The following ACOT7 variants were observed in gnomAD, a reference collection of about 807,000 sequenced individuals.
The protein encoded by ACOT7 is acyl-CoA thioesterase 7.
A neutral mutation model predicts 40.2 loss-of-function variants in ACOT7; 12 were observed. The ratio of observed to expected loss-of-function variants is 0.30; its 90% CI spans 0.19 to 0.48. The LOEUF is 0.48. Ranked by LOEUF, ACOT7 falls within the 20% of genes least tolerant of loss-of-function variation. The pLI is 0.99. For missense variants in ACOT7, 395 were observed against 530.8 expected, an observed-to-expected ratio of 0.74 and a Z score of 2.51; for synonymous variants, 228 against 219.5, an observed-to-expected ratio of 1.04 and a Z score of -0.34.
At chr1:6,368,804 A>C (rs1426921477) in intron 1 of ACOT7, among the ~76,000 whole-genome samples, 2 of 151,540 alleles carry the variant, frequency 1.3e-5, no homozygotes, top group East Asian at 3.9e-4. Context: ...CAGGGGACCC[A>C]CTGCTGCCAC....
rs1261405304 is a variant in ACOT7, at chr1:6,330,403, G to A, written c.511-2990C>T. Among the ~76,000 whole-genome samples the A allele has an allele frequency of 1.3e-5, 2 of 152,182 alleles. No individual in the cohort carries two copies. Among genetic ancestry groups the A allele is most frequent in the Non-Finnish European group, 2.9e-5 (2 of 68,044 alleles). ...CAAATCAGTGGGAGGTTTATACTACGTGGGCCTAGCGTGTGTTGGGGGGAA... is the reference window on the plus strand; with the variant it reads ...CAAATCAGTGGGAGGTTTATACTACATGGGCCTAGCGTGTGTTGGGGGGAA... On this transcript the variant is annotated intron_variant, in intron 4 of 8. Coordinates refer to ENST00000361521, the MANE Select transcript of ACOT7 (RefSeq NM_007274.4). The surrounding 1 kb of genome is among the most constrained non-coding windows in gnomAD (Gnocchi z 4.6).
At chr1:6,268,705 G>A (rs1389084022) in intron 8 of ACOT7, among the ~76,000 whole-genome samples, 3 of 152,218 alleles carry the variant, frequency 2.0e-5, no homozygotes, top group East Asian at 1.9e-4. Flanking sequence ...GGAGATCTCC[G>A]CCCAAGAGCG....
At chr1:6,368,678 G>C (rs1173945409) in intron 1 of ACOT7, among the ~76,000 whole-genome samples, 1 of 152,218 alleles carries the variant, frequency 6.6e-6, no homozygotes, top group African/African-American at 2.4e-5. Flanking sequence ...GAGCGGGTAA[G>C]AGCTCTGACA....
intron 1 of ACOT7, among the ~76,000 whole-genome samples, chr1:6,354,175 T>A (rs1421263950): frequency 6.6e-6 from 1 of 151,956 alleles, no homozygotes; most frequent in Non-Finnish European, 1.5e-5. Flanking sequence ...CGGTGTCCCC[T>A]CTGGAGGTGG....
intron 7 of ACOT7, among the ~76,000 whole-genome samples, chr1:6,292,393 G>C (rs755435284): frequency 1.1e-4 from 17 of 152,230 alleles, no homozygotes; most frequent in Non-Finnish European, 2.2e-4. Flanking sequence ...CAATCCAAGT[G>C]AATGTCCTGC....
rs1037201921 is a variant in ACOT7, at chr1:6,380,429, G to A, written c.143+12828C>T. ...CCTGACCGACATGGTGAAACCCCCC[G>A]TCTCTACTAAAAATACAAAAATTAG... On this transcript the variant is annotated intron_variant, in intron 1 of 8. Coordinates refer to ENST00000361521, the MANE Select transcript of ACOT7 (RefSeq NM_007274.4). 1.1e-4 allele frequency among the ~76,000 whole-genome samples: 16 copies of A among 150,984 alleles called. 1 individual carries two copies. The highest frequency in any genetic ancestry group is 2.1e-4 in the South Asian group (1 of 4,774).
chr1:6,376,727 CAA>C (rs74829338), intron 1 of ACOT7, among the ~76,000 whole-genome samples: 77 of 94,594 alleles, frequency 8.1e-4, no homozygotes, highest in African/African-American at 1.4e-3. Flanking sequence ...AACTCCATCC[CAA>C]AAAAAAAAAA....
chr1:6,378,167 A>G (rs566342844), intron 1 of ACOT7, among the ~76,000 whole-genome samples: 2 of 143,364 alleles, frequency 1.4e-5, no homozygotes, highest in South Asian at 4.5e-4. Context: ...ATTCCACCAG[A>G]GCAGCCCTGG....
rs1639562300 is a variant in ACOT7 at position 6,288,269 on chromosome 1, G to C, written c.829+6595C>G. ...AGCACCAACTCCGTTGCTGGCCTGGGAACTCCACGCGCCTTTGGTGGGTGG... is the reference window on the plus strand; with the variant it reads ...AGCACCAACTCCGTTGCTGGCCTGGCAACTCCACGCGCCTTTGGTGGGTGG... On this transcript the variant is annotated intron_variant, in intron 7 of 8. Coordinates refer to ENST00000361521, the MANE Select transcript of ACOT7 (RefSeq NM_007274.4). This position sits in a 1 kb window ranked among gnomAD's most constrained non-coding sequence, Gnocchi z 4.3. Among the ~76,000 whole-genome samples the C allele has an allele frequency of 6.6e-6, 1 of 152,216 alleles. No homozygotes were observed. The highest frequency in any genetic ancestry group is 1.5e-5 in the Non-Finnish European group (1 of 68,026).
At position 6,280,107 on chromosome 1, in the gene ACOT7, C is replaced by T. The variant is rs185971684; in HGVS notation, c.1014+995G>A. 2.6e-4 allele frequency among the ~76,000 whole-genome samples: 40 copies of T among 152,336 alleles called. No individual in the cohort carries two copies. In the South Asian group the frequency reaches 4.8e-3, roughly 18 times the overall value. The stretch of plus-strand genomic sequence containing the variant: ...GAATCAGGGGTCAGCCTCGCAGGGC[C>T]GTGGTGCCTGCCTGGCCACTTCCAT... On this transcript the variant is annotated intron_variant, in intron 8 of 8. Coordinates refer to ENST00000361521, the MANE Select transcript of ACOT7 (RefSeq NM_007274.4).
At chr1:6,335,267 C>A (rs552823660) in intron 3 of ACOT7, among the ~76,000 whole-genome samples, 1 of 135,464 alleles carries the variant, frequency 7.4e-6, no homozygotes, top group Non-Finnish European at 1.5e-5. Context: ...GCAGAGGTTG[C>A]GGTGAGCCGA....
rs1639398495 is a variant in ACOT7, at chr1:6,283,000, C to G, written c.830-1714G>C. The G allele has an allele frequency of 2.3e-6, 1 of 439,106 alleles. No individual in the cohort carries two copies. Among genetic ancestry groups the G allele is most frequent in the Non-Finnish European group, 4.7e-6 (1 of 210,618 alleles). 27.2% of individuals were successfully genotyped at this position (439,106 alleles called of 1,614,324 possible). On this transcript the variant is annotated intron_variant, in intron 7 of 8. Coordinates refer to ENST00000361521, the MANE Select transcript of ACOT7 (RefSeq NM_007274.4). This position sits in a 1 kb window ranked among gnomAD's most constrained non-coding sequence, Gnocchi z 4.5. ...AATTGTGTATAACACTTGGGAGTCA[C>G]AGGCCAAAAAGCAGGAACAAGCCCT...
intron 1 of ACOT7, among the ~76,000 whole-genome samples, chr1:6,367,496 C>A (rs191865176): frequency 4.6e-5 from 7 of 152,210 alleles, no homozygotes; most frequent in African/African-American, 1.7e-4. Context: ...GCATGGAGTA[C>A]GGCCACTGCA....
Position 6,278,764 on chromosome 1 carries a change from G to A in ACOT7, c.1014+2338C>T, listed in dbSNP as rs1358775411. 3.9e-5 allele frequency among the ~76,000 whole-genome samples: 6 copies of A among 152,176 alleles called. No homozygotes were observed. In the East Asian group the frequency reaches 7.7e-4, roughly 20 times the overall value. On this transcript the variant is annotated intron_variant, in intron 8 of 8. Transcript: ENST00000361521. This position sits in a 1 kb window ranked among gnomAD's most constrained non-coding sequence, Gnocchi z 4.1. ...AGGGTTCGGGGACCGTGTGGTGGCC[G>A]GGGAGGCTGGAGTATCCCTACAGAC...
chr1:6,386,785 G>A (rs945740653), intron 1 of ACOT7, among the ~76,000 whole-genome samples: 5 of 152,188 alleles, frequency 3.3e-5, no homozygotes, highest in African/African-American at 1.2e-4. Flanking sequence ...CTTGAGCCCA[G>A]AAGGTTGGGG....
At chr1:6,313,735 G>A (rs1571299138) in intron 6 of ACOT7, among the ~76,000 whole-genome samples, 1 of 152,140 alleles carries the variant, frequency 6.6e-6, no homozygotes, top group Non-Finnish European at 1.5e-5. Context: ...GGAGCCACAG[G>A]GCAGCAGAAG....
At chr1:6,271,991 G>A (rs952582201) in intron 8 of ACOT7, among the ~76,000 whole-genome samples, 8 of 152,364 alleles carry the variant, frequency 5.3e-5, no homozygotes, top group African/African-American at 1.9e-4. Context: ...GTCCCGGGAC[G>A]CTCGGCTCAC....
At chr1:6,292,963 C>G (rs1639714895) in intron 7 of ACOT7, among the ~76,000 whole-genome samples, 1 of 149,430 alleles carries the variant, frequency 6.7e-6, no homozygotes. Flanking sequence ...GATCTCGGCT[C>G]ACTGCAAGCT....
At chr1:6,364,846 CAAAAAAAAAA>C (rs770975001) in intron 1 of ACOT7, among the ~76,000 whole-genome samples, 5 of 37,530 alleles carry the variant, frequency 1.3e-4, no homozygotes, top group Non-Finnish European at 2.1e-4. Flanking sequence ...GACTCCATCT[CAAAAAAAAAA>C]AAAAAAAAAA....
Sources: gnomAD v4.1 joint callset for allele counts (sites outside exome capture counted in the v4.1 genomes callset) on GRCh38, gnomAD v4.1.1 for gene constraint, Gnocchi (gnomAD v3.1) non-coding constraint, MANE v1.5 for transcripts, NCBI Gene and HGNC (gene_info 2026-07-23, HGNC 2026-07-21) for gene names.